Variants in KHDRBS3 observed in about 807,000 individuals in gnomAD.
KHDRBS3 encodes KH domain-containing, RNA-binding, signal transduction-associated protein 3.
KHDRBS3 carries 23 observed loss-of-function variants against 45.6 expected under a neutral mutation model. The ratio of observed to expected loss-of-function variants is 0.50; its 90% CI spans 0.36 to 0.72. The LOEUF is 0.72. KHDRBS3 is among the 30% of genes least tolerant of loss of function. The pLI, the probability that KHDRBS3 is intolerant of heterozygous loss-of-function variation, is 0.00. For synonymous variants in KHDRBS3, 162 were observed against 156.5 expected, an observed-to-expected ratio of 1.04 and a Z score of -0.26; for missense variants, 352 against 424.8, an observed-to-expected ratio of 0.83 and a Z score of 1.51.
intron 1 of KHDRBS3, among the ~76,000 whole-genome samples, chr8:135,485,469 G>A (rs1431114801): frequency 6.6e-6 from 1 of 152,158 alleles, no homozygotes; most frequent in Non-Finnish European, 1.5e-5. Flanking sequence ...TATGGCATGA[G>A]TGAGGGGAAC....
intron 5 of KHDRBS3, among the ~76,000 whole-genome samples, chr8:135,580,345 T>C (rs1022219946): frequency 4.6e-5 from 7 of 152,330 alleles, no homozygotes; most frequent in African/African-American, 1.4e-4. Flanking sequence ...TCTTTAATAT[T>C]TGACAAAATT....
At chr8:135,625,506 G>T in intron 7 of KHDRBS3, 3 of 802,632 alleles carry the variant, frequency 3.7e-6, no homozygotes, top group Non-Finnish European at 2.2e-6. Context: ...GGCCTCAGGG[G>T]AGCTGCACTG....
chr8:135,530,998 CTT>C (rs1825447308), intron 2 of KHDRBS3, among the ~76,000 whole-genome samples: 1 of 152,236 alleles, frequency 6.6e-6, no homozygotes, highest in Admixed American at 6.5e-5. Context: ...TGTAGCCTGA[CTT>C]TTGTAGTCTG....
At chr8:135,510,077 T>G (rs1305021901) in intron 1 of KHDRBS3, among the ~76,000 whole-genome samples, 1 of 149,652 alleles carries the variant, frequency 6.7e-6, no homozygotes, top group Non-Finnish European at 1.5e-5. Flanking sequence ...CCTCCTGGGC[T>G]CAAGCGATTC....
intron 7 of KHDRBS3, among the ~76,000 whole-genome samples, chr8:135,626,780 G>A (rs540694806): frequency 1.0e-5 from 1 of 98,956 alleles, no homozygotes; most frequent in Admixed American, 1.1e-4. Context: ...CTCCAACCTG[G>A]GAGACACAGC....
At chr8:135,648,408 C>T (rs564067770), downstream of KHDRBS3, 2 of 152,180 alleles carry the variant, frequency 1.3e-5, no homozygotes, top group South Asian at 4.2e-4. Context: ...TTAAAACTGA[C>T]AAATATTTAA....
At chr8:135,548,629 G>A in intron 3 of KHDRBS3, 125 bp from the exon 4 acceptor site, 2 of 727,014 alleles carry the variant, frequency 2.8e-6, no homozygotes, top group Non-Finnish European at 4.1e-6. Context: ...AGTGTCTACT[G>A]TGACAACCGC....
intron 5 of KHDRBS3, 92 bp from the exon 6 acceptor site, chr8:135,581,786 C>A: frequency 9.9e-7 from 1 of 1,005,322 alleles, no homozygotes; most frequent in Non-Finnish European, 1.4e-6. Context: ...AAATATAGAA[C>A]ATTGATTTTG....
intron 6 of KHDRBS3, among the ~76,000 whole-genome samples, chr8:135,585,666 C>A (rs1167169111): frequency 6.6e-6 from 1 of 152,132 alleles, no homozygotes; most frequent in African/African-American, 2.4e-5. Flanking sequence ...ATTCACATAG[C>A]AATTTTTATG....
chr8:135,496,934 G>C (rs141926915), intron 1 of KHDRBS3, among the ~76,000 whole-genome samples: 86 of 152,322 alleles, frequency 5.6e-4, no homozygotes, highest in African/African-American at 2.0e-3. Context: ...AGGGACTGTT[G>C]CAAGGGTGAG....
In KHDRBS3 at chr8:135,613,620, T is replaced by C. The variant is rs143638508; in HGVS notation, c.890+6583T>C. On this transcript the variant is annotated intron_variant, in intron 7 of 8. Coordinates refer to ENST00000355849, the MANE Select transcript of KHDRBS3 (RefSeq NM_006558.3). ...TTCTGCTTGTTGTTTCACACAAGAG[T>C]GGCTACGAAGAGCAGGTTCTGGGAA... 3.7e-4 allele frequency among the ~76,000 whole-genome samples: 56 copies of C among 151,600 alleles called. No homozygotes were observed. In the East Asian group the frequency reaches 0.01, roughly 27 times the overall value.
chr8:135,555,248 A>T (rs1272490684), intron 4 of KHDRBS3, among the ~76,000 whole-genome samples: 1 of 152,028 alleles, frequency 6.6e-6, no homozygotes, highest in Non-Finnish European at 1.5e-5. Context: ...CTCTGTGAAG[A>T]TTCACTCCTT....
chr8:135,587,979 C>T (rs1178990519), intron 6 of KHDRBS3, among the ~76,000 whole-genome samples: 5 of 152,174 alleles, frequency 3.3e-5, no homozygotes, highest in African/African-American at 1.2e-4. Context: ...GCTCTCAATA[C>T]GTCACTTTTG....
At chr8:135,510,318 A>G (rs1824214462) in intron 1 of KHDRBS3, among the ~76,000 whole-genome samples, 1 of 152,150 alleles carries the variant, frequency 6.6e-6, no homozygotes, top group Admixed American at 6.5e-5. Flanking sequence ...GGGCAGCGTC[A>G]GAGCTCAAGT....
chr8:135,614,085 A>G (rs1353924873), intron 7 of KHDRBS3, among the ~76,000 whole-genome samples: 2 of 151,974 alleles, frequency 1.3e-5, no homozygotes, highest in African/African-American at 4.9e-5. Flanking sequence ...CTAACATTAC[A>G]GTATAAAACA....
At chr8:135,542,315 T>C (rs1826084080) in intron 2 of KHDRBS3, 1 of 197,028 alleles carries the variant, frequency 5.1e-6, no homozygotes, top group South Asian at 1.0e-4. Context: ...CTCACCTACA[T>C]TCTCATCCTA....
At chr8:135,560,891 T>G (rs1292585598) in intron 5 of KHDRBS3, among the ~76,000 whole-genome samples, 1 of 152,212 alleles carries the variant, frequency 6.6e-6, no homozygotes, top group East Asian at 1.9e-4. Context: ...CTTGAAATCA[T>G]AAGCAGCTCA....
chr8:135,463,318 A>T (rs1424393936), intron 1 of KHDRBS3, among the ~76,000 whole-genome samples: 1 of 152,164 alleles, frequency 6.6e-6, no homozygotes, highest in Non-Finnish European at 1.5e-5. Flanking sequence ...AGCAGTCAGT[A>T]AAGAGCTTTG....
chr8:135,625,484 T>G, intron 7 of KHDRBS3: 1 of 785,272 alleles, frequency 1.3e-6, no homozygotes, highest in African/African-American at 1.7e-5. Context: ...AGCAGTTCTC[T>G]GTGTTGAGAT....
Sources: gnomAD v4.1 joint callset for allele counts (sites outside exome capture counted in the v4.1 genomes callset) on GRCh38, gnomAD v4.1.1 for gene constraint, MANE v1.5 for transcripts, NCBI Gene and HGNC (gene_info 2026-07-23, HGNC 2026-07-21) for gene names.